Variants in PCDHGA4 observed in about 807,000 individuals in gnomAD.
The protein encoded by PCDHGA4 is protocadherin gamma subfamily A, 4.
A neutral mutation model predicts 54.6 loss-of-function variants in PCDHGA4; 38 were observed. That is an observed-to-expected ratio of 0.70 (90% CI 0.54 to 0.91). The LOEUF (loss-of-function observed/expected upper bound fraction) is 0.91. Among genes scored for constraint, PCDHGA4 ranks in the 40% least tolerant of loss-of-function variants. PCDHGA4 has a pLI of 0.00. For missense variants in PCDHGA4, 1,298 were observed against 1,220.9 expected (o/e 1.06, Z -0.94); for synonymous variants, 511 against 512.9 (o/e 1.00, Z 0.05).
chr5:141,359,472 T>G (rs1033870271), intron 1 of PCDHGA4, among the ~76,000 whole-genome samples: 1 of 151,384 alleles, frequency 6.6e-6, no homozygotes, highest in African/African-American at 2.4e-5. Flanking sequence ...ATTAAACAAA[T>G]TGTTGTATAT....
chr5:141,421,040 C>T (rs2096541229), intron 1 of PCDHGA4: 1 of 545,472 alleles, frequency 1.8e-6, no homozygotes, highest in East Asian at 3.1e-5. Context: ...GTCCCTCCCT[C>T]CCCCGCCTCT....
At chr5:141,458,219 C>T (rs2098940224) in intron 1 of PCDHGA4, among the ~76,000 whole-genome samples, 1 of 152,248 alleles carries the variant, frequency 6.6e-6, no homozygotes, top group African/African-American at 2.4e-5. Flanking sequence ...AATAAGTTTC[C>T]TTTCCCAGTC....
At chr5:141,509,544 A>AT (rs1312201678) in intron 3 of PCDHGA4, among the ~76,000 whole-genome samples, 1 of 152,150 alleles carries the variant, frequency 6.6e-6, no homozygotes, top group Non-Finnish European at 1.5e-5. Context: ...GCACCATCTC[A>AT]TTTAGTCCTC....
intron 1 of PCDHGA4, among the ~76,000 whole-genome samples, chr5:141,482,435 A>G (rs2099559555): frequency 6.6e-6 from 1 of 150,568 alleles, no homozygotes; most frequent in South Asian, 2.1e-4. Flanking sequence ...GATAATACTG[A>G]TATTCACCAT....
chr5:141,371,171 C>T, intron 1 of PCDHGA4: 1 of 1,614,048 alleles, frequency 6.2e-7, no homozygotes, highest in Non-Finnish European at 8.5e-7. Flanking sequence ...CCGCTGGCTC[C>T]TCCGTATTAA....
Position 141,402,817 on chromosome 5 carries a change from C to T in PCDHGA4, c.2514+45196C>T, listed in dbSNP as rs1040353038. On this transcript the variant is annotated intron_variant, in intron 1 of 3. Transcript: ENST00000571252. ...ACAAAACCCGGCAGATACCACAAACCTGCTCCCAGGCTGCAGCAAAACTCA... is the reference window on the plus strand; with the variant it reads ...ACAAAACCCGGCAGATACCACAAACTTGCTCCCAGGCTGCAGCAAAACTCA... The T allele has an allele frequency of 6.3e-6, 8 of 1,267,616 alleles. No homozygotes were observed. In the African/African-American group the frequency reaches 1.2e-4, roughly 19 times the overall value. The allele number at this position is 1,267,616 out of a possible 1,614,324, so 78.5% of individuals were successfully genotyped here.
rs57419416 is a variant in PCDHGA4, at chr5:141,368,862, T to C, written c.2514+11241T>C. On this transcript the variant is annotated intron_variant, in intron 1 of 3. Transcript: ENST00000571252. ...TTGGAAGGCACTTGCTTTGGAATGT[T>C]TTGGAGCAAAGTCTTGAGTCAGTTA... Among the ~76,000 whole-genome samples, 1,508 of 152,302 alleles carry C rather than the reference T, an allele frequency of 9.9e-3. 27 individuals are homozygous for C. Among genetic ancestry groups the C allele is most frequent in the African/African-American group, 0.034 (1,407 of 41,562 alleles).
chr5:141,360,334 C>T (rs1424290202), intron 1 of PCDHGA4: 1 of 1,613,888 alleles, frequency 6.2e-7, no homozygotes, highest in Non-Finnish European at 8.5e-7. Context: ...CCGGAAGCTG[C>T]GGGTTAGCGC....
chr5:141,363,918 A>G (rs935421422), intron 1 of PCDHGA4, among the ~76,000 whole-genome samples: 6 of 152,216 alleles, frequency 3.9e-5, no homozygotes, highest in African/African-American at 1.4e-4. Flanking sequence ...AAATTTTTGT[A>G]AGGTATTGAG....
At chr5:141,370,547 C>T in intron 1 of PCDHGA4, 1 of 1,613,888 alleles carries the variant, frequency 6.2e-7, no homozygotes, top group Non-Finnish European at 8.5e-7. Flanking sequence ...GGAACCTCGC[C>T]AAGGACCTGG....
chr5:141,399,078 G>C (rs2093750242), intron 1 of PCDHGA4: 1 of 1,613,746 alleles, frequency 6.2e-7, no homozygotes, highest in African/African-American at 1.3e-5. Context: ...TTGTAGAAGG[G>C]AGGGATGGTG....
intron 1 of PCDHGA4, chr5:141,376,102 C>G (rs1772284190): frequency 6.2e-7 from 1 of 1,613,506 alleles, no homozygotes; most frequent in Non-Finnish European, 8.5e-7. Flanking sequence ...ACATCCTGGC[C>G]GACCTGGGCA....
intron 1 of PCDHGA4, chr5:141,419,863 G>T (rs1416582920): frequency 6.2e-7 from 1 of 1,614,108 alleles, no homozygotes; most frequent in Non-Finnish European, 8.5e-7. Flanking sequence ...CAGATAGCTT[G>T]CAAGAGGTAC....
chr5:141,482,995 G>A (rs1395482427), intron 1 of PCDHGA4, among the ~76,000 whole-genome samples: 1 of 152,048 alleles, frequency 6.6e-6, no homozygotes, highest in Non-Finnish European at 1.5e-5. Flanking sequence ...CGAGGCAGGA[G>A]AATTGCTTGA....
chr5:141,402,973 C>G (rs779898665), intron 1 of PCDHGA4: 1 of 1,607,926 alleles, frequency 6.2e-7, no homozygotes. Context: ...CAACCAAATG[C>G]CAGCTCCGCG....
intron 1 of PCDHGA4, chr5:141,421,788 G>T: frequency 6.2e-7 from 1 of 1,613,800 alleles, no homozygotes; most frequent in Non-Finnish European, 8.5e-7. Flanking sequence ...GGGGCAGAAC[G>T]GATGGGGCCA....
At position 141,384,585 on chromosome 5, in the gene PCDHGA4, C is replaced by T. The variant is rs545796754; in HGVS notation, c.2514+26964C>T. 4.3e-6 allele frequency: 7 copies of T among 1,614,246 alleles called. No individual in the cohort carries two copies. In the African/African-American group the frequency reaches 6.7e-5, roughly 15 times the overall value. ...ACCAGAATGACAACCCGCCCGAGAT[C>T]CTGTACCCGGCCCTCCCCACAGATG... On this transcript the variant is annotated intron_variant, in intron 1 of 3. Coordinates refer to ENST00000571252, the MANE Select transcript of PCDHGA4 (RefSeq NM_018917.4).
At chr5:141,416,982 T>C (rs191309825) in intron 1 of PCDHGA4, 25 of 152,264 alleles carry the variant, frequency 1.6e-4, no homozygotes, top group African/African-American at 5.5e-4. Context: ...GAGTCAAAAT[T>C]ATTGTGCATT....
chr5:141,438,681 G>T (rs2098050580), intron 1 of PCDHGA4, among the ~76,000 whole-genome samples: 1 of 142,154 alleles, frequency 7.0e-6, no homozygotes, highest in South Asian at 2.3e-4. Context: ...TGGAGTAGGG[G>T]ATGGAGTCTT....
Sources: gnomAD v4.1 joint callset for allele counts (sites outside exome capture counted in the v4.1 genomes callset) on GRCh38, gnomAD v4.1.1 for gene constraint, MANE v1.5 for transcripts, NCBI Gene and HGNC (gene_info 2026-07-23, HGNC 2026-07-21) for gene names.